Variants in ABCA13 observed in about 807,000 individuals in gnomAD.
The protein encoded by ABCA13 is ATP binding cassette subfamily A member 13.
A neutral mutation model predicts 478.7 loss-of-function variants in ABCA13; 476 were observed. The ratio of observed to expected loss-of-function variants is 0.99; its 90% CI spans 0.92 to 1.07. The LOEUF is 1.07. Ranked by LOEUF, ABCA13 falls within the 50% of genes least tolerant of loss-of-function variation. The pLI is 0.00. For synonymous variants in ABCA13, 2,252 were observed against 2,158.9 expected, an observed-to-expected ratio of 1.04 and a Z score of -1.20; for missense variants, 6,060 against 5,910.6, an observed-to-expected ratio of 1.03 and a Z score of -0.83.
intron 28 of ABCA13, among the ~76,000 whole-genome samples, chr7:48,337,841 T>C (rs180733412): frequency 3.3e-5 from 5 of 152,312 alleles, no homozygotes. Context: ...TCTCCAATCA[T>C]TGAAAAATGA....
At chr7:48,389,866 T>G (rs1469478272) in intron 37 of ABCA13, among the ~76,000 whole-genome samples, 1 of 152,254 alleles carries the variant, frequency 6.6e-6, no homozygotes, top group Non-Finnish European at 1.5e-5. Context: ...ACTTTCTCTT[T>G]TGTTCTTTTT....
chr7:48,627,852 G>A (rs1793807821), intron 59 of ABCA13, among the ~76,000 whole-genome samples: 1 of 152,124 alleles, frequency 6.6e-6, no homozygotes, highest in Admixed American at 6.6e-5. Context: ...CAAGCACAAG[G>A]GGTCAAGCTT....
intron 55 of ABCA13, among the ~76,000 whole-genome samples, chr7:48,550,728 A>AATCT (rs113459752): frequency 0.14 from 21,000 of 150,656 alleles, 1,999 homozygotes; most frequent in African/African-American, 0.23. Flanking sequence ...CTATCTTTTT[A>AATCT]ATCTATCCAT....
At chr7:48,584,164 G>A (rs1585883675) in intron 56 of ABCA13, among the ~76,000 whole-genome samples, 1 of 152,130 alleles carries the variant, frequency 6.6e-6, no homozygotes, top group East Asian at 1.9e-4. Flanking sequence ...GCTAATCTTT[G>A]AATAACATGG....
At chr7:48,384,379 C>T (rs1415603346) in intron 35 of ABCA13, among the ~76,000 whole-genome samples, 4 of 152,330 alleles carry the variant, frequency 2.6e-5, no homozygotes, top group East Asian at 1.9e-4. Context: ...ACTGCACTTG[C>T]GTGTTCAGAC....
intron 55 of ABCA13, among the ~76,000 whole-genome samples, chr7:48,558,537 A>T (rs1380265299): frequency 6.6e-6 from 1 of 152,044 alleles, no homozygotes; most frequent in Non-Finnish European, 1.5e-5. Flanking sequence ...ACCTCAGGTG[A>T]TCTACCTGCC....
intron 12 of ABCA13, 60 bp from the exon 13 acceptor site, chr7:48,245,803 T>A: frequency 6.6e-7 from 1 of 1,522,090 alleles, no homozygotes; most frequent in Non-Finnish European, 8.8e-7. Flanking sequence ...CTTGAGCCCA[T>A]GAAGAGGGTA....
chr7:48,427,908 G>C, intron 42 of ABCA13, 37 bp downstream of exon 42: 3 of 1,360,600 alleles, frequency 2.2e-6, no homozygotes, highest in Non-Finnish European at 3.1e-6. Flanking sequence ...TCTGCTGGAG[G>C]AACAATGACA....
rs267601529 is a variant in ABCA13 at position 48,310,009 on chromosome 7, C to T, written c.9384C>T (p.Leu3128=). 2 of 1,613,982 alleles carry T rather than the reference C, an allele frequency of 1.2e-6. No individual in the cohort carries two copies. The highest frequency in any genetic ancestry group is 1.7e-6 in the Non-Finnish European group (2 of 1,179,844). The change falls in exon 24 of 62, where the codon CTC becomes CTT. Residue 3128 remains leucine (L), a synonymous_variant. Coordinates refer to ENST00000435803, the MANE Select transcript of ABCA13 (RefSeq NM_152701.5). ...AGTGTGATCAGGAAATCCTTCATCTCCTGCTGACATTTCCCAAAGGGGAAA... is the reference window on the plus strand; with the variant it reads ...AGTGTGATCAGGAAATCCTTCATCTTCTGCTGACATTTCCCAAAGGGGAAA... The part of the protein sequence containing the change: ...SGKCDQEILH[L]LLTFPKGEKS...
intron 5 of ABCA13, among the ~76,000 whole-genome samples, chr7:48,226,186 G>A (rs1788182521): frequency 6.6e-6 from 1 of 152,114 alleles, no homozygotes; most frequent in Non-Finnish European, 1.5e-5. Flanking sequence ...GATTCAAGCA[G>A]GTGGAAGAAA....
chr7:48,490,915 C>T lies in ABCA13; in HGVS notation c.13291+1571C>T, dbSNP rs1487337474. Among the ~76,000 whole-genome samples, 4 of 152,006 alleles carry T rather than the reference C, an allele frequency of 2.6e-5. No homozygotes were observed. In the East Asian group the frequency reaches 7.7e-4, roughly 29 times the overall value. On this transcript the variant is annotated intron_variant, in intron 48 of 61. Coordinates refer to ENST00000435803, the MANE Select transcript of ABCA13 (RefSeq NM_152701.5). ...GAGAAGACTGGTTGTAATTTAATGA[C>T]CTATTGGAAGGATACTGCTCACAAT...
chr7:48,278,466 A>G lies in ABCA13; in HGVS notation c.7272A>G (p.Ala2424=). 1 of 1,613,996 alleles carries G rather than the reference A, an allele frequency of 6.2e-7. No homozygotes were observed. The highest frequency in any genetic ancestry group is 1.1e-5 in the South Asian group (1 of 91,084). The part of the protein sequence containing the change: ...HLVRECSTEM[A]RLLDTILHSP... Reference sequence around the variant, plus strand: ...TAAGAGAATGTTCAACAGAGATGGCAAGACTTCTGGATACAATTTTACACT... The same window carrying G: ...TAAGAGAATGTTCAACAGAGATGGCGAGACTTCTGGATACAATTTTACACT... The change falls in exon 18 of 62, where the codon GCA becomes GCG. Residue 2424 remains alanine, a synonymous_variant. Coordinates refer to ENST00000435803, the MANE Select transcript of ABCA13 (RefSeq NM_152701.5).
In ABCA13 at chr7:48,511,133, TC is replaced by T. The variant is rs1305416746; in HGVS notation, c.13576del (p.Gln4526SerfsTer2). On this transcript the variant is annotated frameshift_variant, in exon 51 of 62. Coordinates refer to ENST00000435803, the MANE Select transcript of ABCA13 (RefSeq NM_152701.5). LOFTEE classifies it high-confidence loss of function. ...VCLCVAVIVA[F>X]QLTAFTFRKN... ...CTGTGTGTTGCCGTTATTGTCGCCT[TC>T]CAGTTAACAGCTTTTACTTTCCGCA... The T allele has an allele frequency of 1.2e-5, 20 of 1,613,624 alleles. No individual in the cohort carries two copies. The highest frequency in any genetic ancestry group is 1.7e-5 in the Non-Finnish European group (20 of 1,179,698).
At chr7:48,505,163 T>C (rs1285390921) in intron 48 of ABCA13, among the ~76,000 whole-genome samples, 1 of 152,138 alleles carries the variant, frequency 6.6e-6, no homozygotes, top group East Asian at 1.9e-4. Flanking sequence ...CAGCTCCTAC[T>C]GTTGTTGCTT....
chr7:48,324,672 A>G (rs145546444), intron 27 of ABCA13, among the ~76,000 whole-genome samples: 2,351 of 152,288 alleles, frequency 0.015, 33 homozygotes, highest in Non-Finnish European at 0.023. Flanking sequence ...TAAAAACAAA[A>G]AATAAGTAGG....
At chr7:48,448,075 T>C (rs1824520742) in intron 42 of ABCA13, among the ~76,000 whole-genome samples, 1 of 152,214 alleles carries the variant, frequency 6.6e-6, no homozygotes, top group Non-Finnish European at 1.5e-5. Context: ...TGAGCCAGAC[T>C]TCCAATGGGC....
intron 43 of ABCA13, among the ~76,000 whole-genome samples, chr7:48,464,930 C>T (rs191250550): frequency 2.6e-5 from 4 of 152,254 alleles, no homozygotes; most frequent in East Asian, 1.9e-4. Flanking sequence ...ATTATGGAAT[C>T]GGTGTTCCAA....
chr7:48,379,027 A>G (rs1014487279), intron 35 of ABCA13, among the ~76,000 whole-genome samples: 3 of 152,242 alleles, frequency 2.0e-5, no homozygotes, highest in African/African-American at 7.2e-5. Context: ...TTTAGCTACC[A>G]GCTAGTTAGG....
chr7:48,427,163 C>G (rs1821540059), intron 41 of ABCA13, among the ~76,000 whole-genome samples: 1 of 152,204 alleles, frequency 6.6e-6, no homozygotes, highest in Non-Finnish European at 1.5e-5. Context: ...GCTTGCACTT[C>G]TGCTTTCTCA....
Sources: gnomAD v4.1 joint callset for allele counts (sites outside exome capture counted in the v4.1 genomes callset) on GRCh38, gnomAD v4.1.1 for gene constraint, MANE v1.5 for transcripts, NCBI Gene and HGNC (gene_info 2026-07-23, HGNC 2026-07-21) for gene names.